Variants in RGS17 observed in about 807,000 individuals in gnomAD.
RGS17 encodes the protein regulator of G protein signaling 17, also known as regulator of G-protein signaling 17.
A neutral mutation model predicts 25.5 loss-of-function variants in RGS17; 12 were observed. That is an observed-to-expected ratio of 0.47 (90% CI 0.30 to 0.76). The LOEUF (loss-of-function observed/expected upper bound fraction) is 0.76. Ranked by LOEUF, RGS17 falls within the 30% of genes least tolerant of loss-of-function variation. RGS17 has a pLI of 0.07. For synonymous variants in RGS17, 71 were observed against 76.9 expected, an observed-to-expected ratio of 0.92 and a Z score of 0.40; for missense variants, 196 against 242.2, an observed-to-expected ratio of 0.81 and a Z score of 1.27.
rs1487108333 is a variant in RGS17 at position 153,006,738 on chromosome 6, GTTTGT to G, written c.*4831_*4835del. Reference sequence around the variant, plus strand: ...GTATGCCACACTTTATTCTTTCCACGTTTGTTTTATTTAATGCTCATAGTTATCCT... The same window carrying G: ...GTATGCCACACTTTATTCTTTCCACGTTTATTTAATGCTCATAGTTATCCT... On this transcript the variant is annotated 3_prime_UTR_variant, in exon 5 of 5. Transcript: ENST00000206262. The G allele has an allele frequency of 4.6e-5, 7 of 152,054 alleles. No individual in the cohort carries two copies. Among genetic ancestry groups the G allele is most frequent in the Non-Finnish European group, 5.9e-5 (4 of 68,014 alleles). The allele number at this position is 152,054 out of a possible 1,614,324, so 9.4% of individuals were successfully genotyped here.
intron 1 of RGS17, among the ~76,000 whole-genome samples, chr6:153,051,059 C>T (rs1346609971): frequency 2.0e-5 from 3 of 152,192 alleles, no homozygotes; most frequent in African/African-American, 7.2e-5. Context: ...TCACCAGACA[C>T]CAAATAGGCA....
At chr6:153,098,911 A>G (rs1018394029) in intron 1 of RGS17, among the ~76,000 whole-genome samples, 2 of 152,210 alleles carry the variant, frequency 1.3e-5, no homozygotes, top group African/African-American at 4.8e-5. Context: ...GTAAAAGAGA[A>G]GGAACCGACA....
chr6:153,094,970 T>G (rs1249401322), intron 1 of RGS17, among the ~76,000 whole-genome samples: 2 of 152,110 alleles, frequency 1.3e-5, no homozygotes, highest in African/African-American at 2.4e-5. Flanking sequence ...TCTTCATACA[T>G]AAAAGAAGAT....
At chr6:153,074,091 GTCACTCGATATATAAAAACAAGAT>G (rs1297740411) in intron 1 of RGS17, among the ~76,000 whole-genome samples, 12 of 152,180 alleles carry the variant, frequency 7.9e-5, no homozygotes, top group African/African-American at 2.9e-4. Flanking sequence ...AGTATTTCAT[GTCACTCGATATATAAAAACAAGAT>G]TGTTTTCAGC....
intron 1 of RGS17, among the ~76,000 whole-genome samples, chr6:153,078,573 T>A (rs1187557123): frequency 6.7e-6 from 1 of 150,264 alleles, no homozygotes; most frequent in Non-Finnish European, 1.5e-5. Flanking sequence ...ACAAATTGCT[T>A]TTAAAAGTTG....
chr6:153,098,727 A>G (rs184870955), intron 1 of RGS17, among the ~76,000 whole-genome samples: 19 of 152,320 alleles, frequency 1.2e-4, no homozygotes, highest in African/African-American at 4.6e-4. Flanking sequence ...GTCAAAGTCA[A>G]GTTAAAGTGT....
rs949899617 is a variant in RGS17 at position 153,130,881 on chromosome 6, C to G, written c.-26+243G>C. Among the ~76,000 whole-genome samples the G allele has an allele frequency of 1.1e-4, 17 of 151,912 alleles. No individual in the cohort carries two copies. Among genetic ancestry groups the G allele is most frequent in the African/African-American group, 3.9e-4 (16 of 41,390 alleles). ...GGGCGGCGAGCGGACCGCGTCCAGG[C>G]AGCGACGCGGGATTCAACTTCCCGG... On this transcript the variant is annotated intron_variant, in intron 1 of 4. Coordinates refer to ENST00000206262, the MANE Select transcript of RGS17 (RefSeq NM_012419.5). This position sits in a 1 kb window ranked among gnomAD's most constrained non-coding sequence, Gnocchi z 6.4.
intron 2 of RGS17, among the ~76,000 whole-genome samples, chr6:153,036,692 C>A (rs1488459948): frequency 1.3e-5 from 2 of 152,304 alleles, no homozygotes; most frequent in South Asian, 2.1e-4. Flanking sequence ...GATGGGATCA[C>A]CAGCAACCCA....
At chr6:153,089,150 C>CT (rs375098173) in intron 1 of RGS17, among the ~76,000 whole-genome samples, 10 of 148,496 alleles carry the variant, frequency 6.7e-5, no homozygotes, top group Admixed American at 1.3e-4. Flanking sequence ...CAATGGTACA[C>CT]TTTTTTTTTT....
chr6:153,064,362 G>A (rs1776678421), intron 1 of RGS17, among the ~76,000 whole-genome samples: 1 of 152,206 alleles, frequency 6.6e-6, no homozygotes, highest in African/African-American at 2.4e-5. Flanking sequence ...AAGGCACGGT[G>A]GCTCATGCCT....
intron 1 of RGS17, among the ~76,000 whole-genome samples, chr6:153,062,393 C>G (rs897048941): frequency 6.6e-5 from 10 of 152,150 alleles, no homozygotes; most frequent in Admixed American, 5.9e-4. Flanking sequence ...GAAGGGAAAA[C>G]TGGACCAAAT....
chr6:153,043,924 C>A lies in RGS17; in HGVS notation c.95G>T (p.Trp32Leu), dbSNP rs1776354167. ...QRPNNTCCFCWCCCCSCSCLT... is the reference protein window; with the variant it reads ...QRPNNTCCFCLCCCCSCSCLT... ...CCAGGAGCAGCTGCAACAACAGCAC[C>A]AACAAAAGCAACAGGTGTTGTTGGG... is the stretch of plus-strand genomic sequence containing the variant. The change falls in exon 2 of 5, where the codon TGG becomes TTG. Residue 32 changes from tryptophan (W) to leucine (L), a missense_variant. Physicochemically the swap from Trp to Leu is moderately conservative, Grantham distance 61 (BLOSUM62 -2). Transcript: ENST00000206262. The A allele has an allele frequency of 6.2e-7, 1 of 1,610,270 alleles. No individual in the cohort carries two copies. Among genetic ancestry groups the A allele is most frequent in the Non-Finnish European group, 8.5e-7 (1 of 1,178,548 alleles).
At chr6:153,097,719 ACT>A (rs371007175) in intron 1 of RGS17, among the ~76,000 whole-genome samples, 54 of 152,006 alleles carry the variant, frequency 3.6e-4, no homozygotes, top group African/African-American at 1.3e-3. Context: ...AGGTCAAGAA[ACT>A]CTAGGAGGGA....
intron 1 of RGS17, among the ~76,000 whole-genome samples, chr6:153,089,150 CTTT>C (rs375098173): frequency 6.7e-6 from 1 of 148,514 alleles, no homozygotes; most frequent in Non-Finnish European, 1.5e-5. Flanking sequence ...CAATGGTACA[CTTT>C]TTTTTTTCTT....
chr6:153,097,290 A>ATTT lies in RGS17; in HGVS notation c.-26+33831_-26+33833dup, dbSNP rs3083488. ...GGGCTTAGACAATAGCGTTTTTTTG[A>ATTT]TTTTTTTTTTTTTTTTTTTTTTTTT... On this transcript the variant is annotated intron_variant, in intron 1 of 4. Transcript: ENST00000206262. Among the ~76,000 whole-genome samples the ATTT allele has an allele frequency of 5.9e-4, 52 of 88,298 alleles. 2 individuals are homozygous for ATTT. The highest frequency in any genetic ancestry group is 1.6e-3 in the African/African-American group (34 of 21,766). 57.9% of individuals were successfully genotyped at this position (88,298 alleles called of 152,430 possible).
At chr6:153,096,000 G>A (rs182852379) in intron 1 of RGS17, among the ~76,000 whole-genome samples, 21 of 152,298 alleles carry the variant, frequency 1.4e-4, no homozygotes, top group African/African-American at 4.8e-4. Context: ...AGTTTTCAAG[G>A]AGCAAATAGT....
At chr6:153,075,378 T>TA (rs1331713817) in intron 1 of RGS17, among the ~76,000 whole-genome samples, 1 of 152,188 alleles carries the variant, frequency 6.6e-6, no homozygotes, top group Non-Finnish European at 1.5e-5. Flanking sequence ...AAACTGTGTC[T>TA]ATTCAACTGT....
rs189922158 is a variant in RGS17, at chr6:153,025,326, G to T, written c.210-830C>A. Among the ~76,000 whole-genome samples the T allele has an allele frequency of 8.4e-3, 1,273 of 151,778 alleles. 16 individuals carry two copies. Among genetic ancestry groups the T allele is most frequent in the African/African-American group, 0.029 (1,201 of 41,374 alleles). Reference sequence around the variant, plus strand: ...GATCCTGCCTCTAAAAAAAAAAAAGGTTTTTTTCCTACGAAAAGTTAATGT... The same window carrying T: ...GATCCTGCCTCTAAAAAAAAAAAAGTTTTTTTTCCTACGAAAAGTTAATGT... On this transcript the variant is annotated intron_variant, in intron 3 of 4. Transcript: ENST00000206262.
intron 4 of RGS17, among the ~76,000 whole-genome samples, chr6:153,014,460 C>T (rs1378131873): frequency 1.3e-5 from 2 of 152,086 alleles, no homozygotes; most frequent in Non-Finnish European, 2.9e-5. Flanking sequence ...ATTCTGCAGC[C>T]CATGGATCAA....
Sources: allele counts gnomAD v4.1 joint callset (sites outside exome capture counted in the v4.1 genomes callset), GRCh38; gene constraint gnomAD v4.1.1; non-coding constraint Gnocchi (gnomAD v3.1); transcripts MANE v1.5; gene names NCBI Gene and HGNC (gene_info 2026-07-23, HGNC 2026-07-21).